Variants in KALRN observed in about 807,000 individuals in gnomAD.
KALRN encodes kalirin RhoGEF kinase.
KALRN carries 70 observed loss-of-function variants against 353.7 expected under a neutral mutation model. That is an observed-to-expected ratio of 0.20 (90% CI 0.16 to 0.24). KALRN has a LOEUF of 0.24. KALRN is among the 10% of genes least tolerant of loss of function. The pLI, the probability that KALRN is intolerant of heterozygous loss-of-function variation, is 1.00. For synonymous variants in KALRN, 1,391 were observed against 1,434.8 expected (o/e 0.97, Z 0.69); for missense variants, 2,791 against 3,756.7 (o/e 0.74, Z 6.72).
At chr3:124,039,034 T>C (rs148828209) in intron 1 of KALRN, among the ~76,000 whole-genome samples, 2 of 152,352 alleles carry the variant, frequency 1.3e-5, no homozygotes, top group East Asian at 1.9e-4. Flanking sequence ...CCACTCCAAA[T>C]TGGACCTGCA....
At chr3:124,279,167 G>T (rs2149022973) in intron 5 of KALRN, among the ~76,000 whole-genome samples, 1 of 152,270 alleles carries the variant, frequency 6.6e-6, no homozygotes, top group East Asian at 1.9e-4. Context: ...GAGAGCACTG[G>T]CTTTGAAACT....
chr3:124,226,394 T>C (rs1029980034), intron 1 of KALRN, among the ~76,000 whole-genome samples: 3 of 152,240 alleles, frequency 2.0e-5, no homozygotes, highest in African/African-American at 4.8e-5. Context: ...GTATTCTTTT[T>C]TATGGTGTTA....
At position 124,434,423 on chromosome 3, in the gene KALRN, T is replaced by G; in HGVS notation, c.2946T>G (p.Cys982Trp). The change falls in exon 17 of 60, where the codon TGT (cysteine) becomes TGG (tryptophan). Residue 982 changes from cysteine to tryptophan, a missense_variant. Transcript: ENST00000682506. The part of the protein sequence containing the change: ...GHYDADAIRE[C>W]AEKVALHWQQ... ...ACGATGCCGATGCCATCCGGGAATG[T>G]GCTGAGAAGGTGGCCCTCCACTGGC... The G allele has an allele frequency of 6.2e-7, 1 of 1,614,204 alleles. No individual in the cohort carries two copies. The highest frequency in any genetic ancestry group is 1.3e-5 in the African/African-American group (1 of 75,066).
At chr3:124,353,517 A>T (rs1422035815) in intron 10 of KALRN, among the ~76,000 whole-genome samples, 1 of 152,182 alleles carries the variant, frequency 6.6e-6, no homozygotes, top group Admixed American at 6.5e-5. Flanking sequence ...AAGAGGCATA[A>T]TGTTTGCTCC....
chr3:124,491,538 T>C, intron 31 of KALRN, 114 bp downstream of exon 31: 1 of 630,172 alleles, frequency 1.6e-6, no homozygotes, highest in Non-Finnish European at 2.5e-6. Flanking sequence ...ATGGGCCTCT[T>C]TTGGGAATGG....
intron 33 of KALRN, among the ~76,000 whole-genome samples, chr3:124,505,937 G>C (rs915326280): frequency 6.6e-6 from 1 of 152,162 alleles, no homozygotes; most frequent in Non-Finnish European, 1.5e-5. Flanking sequence ...TGGCAGTTTA[G>C]TGTCACTTCA....
At chr3:124,117,792 T>C (rs2063587311) in intron 1 of KALRN, among the ~76,000 whole-genome samples, 1 of 152,178 alleles carries the variant, frequency 6.6e-6, no homozygotes, top group Non-Finnish European at 1.5e-5. Flanking sequence ...GATTGAGGCA[T>C]TCACCAAGTT....
chr3:124,497,656 A>G (rs2064013728), intron 33 of KALRN, among the ~76,000 whole-genome samples: 1 of 152,208 alleles, frequency 6.6e-6, no homozygotes, highest in African/African-American at 2.4e-5. Context: ...TCCACTTGTG[A>G]AAACATACAA....
At chr3:124,285,808 T>A (rs1224418938) in intron 5 of KALRN, among the ~76,000 whole-genome samples, 2 of 152,232 alleles carry the variant, frequency 1.3e-5, no homozygotes, top group African/African-American at 4.8e-5. Context: ...AGTGCTGGGA[T>A]TACAGGCGTG....
intron 33 of KALRN, among the ~76,000 whole-genome samples, chr3:124,521,888 C>A (rs892150376): frequency 6.6e-6 from 1 of 152,192 alleles, no homozygotes; most frequent in African/African-American, 2.4e-5. Flanking sequence ...CAAATATATA[C>A]TGAGTGCCTA....
At position 124,719,302 on chromosome 3, in the gene KALRN, A is replaced by G; in HGVS notation, c.8793A>G (p.Thr2931=). 1.2e-6 allele frequency: 2 copies of G among 1,614,254 alleles called. No homozygotes were observed. The highest frequency in any genetic ancestry group is 1.7e-6 in the Non-Finnish European group (2 of 1,180,038). The stretch of plus-strand genomic sequence containing the variant: ...TTCGGAGGCGGCCCACAGCAGCCAC[A>G]TGCTTGCAGCATCCATGGCTGCAGC... ...EDFRRRPTAA[T]CLQHPWLQPH... The change falls in exon 60 of 60, where the codon ACA becomes ACG. Residue 2931 remains threonine (T), a synonymous_variant. Coordinates refer to ENST00000682506, the MANE Select transcript of KALRN (RefSeq NM_001388419.1). This position sits in a 1 kb window ranked among gnomAD's most constrained non-coding sequence, Gnocchi z 5.3.
At chr3:124,205,142 A>G (rs1416514958) in intron 1 of KALRN, among the ~76,000 whole-genome samples, 4 of 152,194 alleles carry the variant, frequency 2.6e-5, no homozygotes, top group Non-Finnish European at 5.9e-5. Flanking sequence ...CGTGCTGGCA[A>G]TGTTTCCAGG....
At chr3:124,267,250 T>C (rs2073668879) in intron 4 of KALRN, among the ~76,000 whole-genome samples, 1 of 152,206 alleles carries the variant, frequency 6.6e-6, no homozygotes. Context: ...TGGTAAACTT[T>C]GAGCCAAATT....
chr3:124,106,854 T>G (rs1168646682), intron 1 of KALRN, among the ~76,000 whole-genome samples: 2 of 150,342 alleles, frequency 1.3e-5, no homozygotes, highest in Non-Finnish European at 3.0e-5. Flanking sequence ...AGTCATTGTA[T>G]GTGGACAGAA....
intron 1 of KALRN, among the ~76,000 whole-genome samples, chr3:124,124,881 A>G (rs1217981728): frequency 6.6e-6 from 1 of 152,232 alleles, no homozygotes; most frequent in Non-Finnish European, 1.5e-5. Flanking sequence ...ACATAACTTT[A>G]TATGTACTCG....
intron 34 of KALRN, among the ~76,000 whole-genome samples, chr3:124,580,249 C>T (rs7427631): frequency 0.66 from 100,935 of 151,880 alleles, 34,588 homozygotes; most frequent in East Asian, 0.83. Context: ...AGAACCACCG[C>T]ACTGCACCAG....
chr3:124,360,110 C>T (rs1356171930), intron 10 of KALRN, among the ~76,000 whole-genome samples: 1 of 152,236 alleles, frequency 6.6e-6, no homozygotes, highest in African/African-American at 2.4e-5. Context: ...TTCAGCGACC[C>T]AAGGTGGAGG....
rs535189623 is a variant in KALRN at position 124,543,301 on chromosome 3, G to T, written c.4936-19542G>T. Among the ~76,000 whole-genome samples the T allele has an allele frequency of 7.9e-5, 12 of 151,696 alleles. No individual in the cohort carries two copies. The South Asian group carries it at 1.3e-3, about 16-fold the overall frequency. Reference sequence around the variant, plus strand: ...AGGGTGAGGTATTAAAAAAATTTACGGACTTTTTTTTTTTTTTTGAGACGG... The same window carrying T: ...AGGGTGAGGTATTAAAAAAATTTACTGACTTTTTTTTTTTTTTTGAGACGG... On this transcript the variant is annotated intron_variant, in intron 33 of 59. Transcript: ENST00000682506.
At chr3:124,121,628 G>A (rs2064037386) in intron 1 of KALRN, among the ~76,000 whole-genome samples, 1 of 152,206 alleles carries the variant, frequency 6.6e-6, no homozygotes, top group South Asian at 2.1e-4. Context: ...CATGGCACCT[G>A]GTTGTATGAT....
Sources: allele counts gnomAD v4.1 joint callset (sites outside exome capture counted in the v4.1 genomes callset), GRCh38; gene constraint gnomAD v4.1.1; non-coding constraint Gnocchi (gnomAD v3.1); transcripts MANE v1.5; gene names NCBI Gene and HGNC (gene_info 2026-07-23, HGNC 2026-07-21).